Variants in MYO1D observed in about 807,000 individuals in gnomAD.
MYO1D encodes the protein unconventional myosin-Id.
In MYO1D, 83 loss-of-function variants were observed where a neutral mutation model predicts 122.0. The ratio of observed to expected loss-of-function variants is 0.68; its 90% CI spans 0.57 to 0.82. The LOEUF is 0.82. MYO1D is among the 40% of genes least tolerant of loss of function. The probability of loss-of-function intolerance (pLI) is 0.00; values close to 1 mark genes in which losing one functional copy is unlikely to be tolerated. For synonymous variants in MYO1D, 464 were observed against 446.9 expected (o/e 1.04, Z -0.48); for missense variants, 1,157 against 1,269.5 (o/e 0.91, Z 1.35).
intron 20 of MYO1D, among the ~76,000 whole-genome samples, chr17:32,637,343 A>T (rs577653726): frequency 3.5e-4 from 54 of 152,342 alleles, no homozygotes; most frequent in African/African-American, 1.3e-3. Context: ...ATAGAAGATT[A>T]TAAGTCTATA....
chr17:32,507,838 G>C (rs1464467987), intron 21 of MYO1D, among the ~76,000 whole-genome samples: 1 of 151,988 alleles, frequency 6.6e-6, no homozygotes, highest in Admixed American at 6.5e-5. Context: ...CAGAAAGAAG[G>C]TGGCAGTCTG....
chr17:32,636,666 G>A (rs2088103673), intron 20 of MYO1D, among the ~76,000 whole-genome samples: 1 of 152,212 alleles, frequency 6.6e-6, no homozygotes, highest in African/African-American at 2.4e-5. Flanking sequence ...AGCCACCACT[G>A]TGGGCAAGTT....
intron 1 of MYO1D, among the ~76,000 whole-genome samples, chr17:32,796,882 C>A (rs893978830): frequency 6.6e-6 from 1 of 152,078 alleles, no homozygotes. Context: ...GGTCTCTGGA[C>A]GACAGGAAAC....
At chr17:32,792,101 TGG>T (rs1415775216) in intron 1 of MYO1D, among the ~76,000 whole-genome samples, 2 of 152,242 alleles carry the variant, frequency 1.3e-5, no homozygotes, top group Non-Finnish European at 2.9e-5. Flanking sequence ...CAGTCCCTAT[TGG>T]ACATTTAGTT....
intron 20 of MYO1D, among the ~76,000 whole-genome samples, chr17:32,626,121 C>T (rs1166887174): frequency 1.3e-5 from 2 of 152,200 alleles, no homozygotes; most frequent in African/African-American, 4.8e-5. Flanking sequence ...TTCCCTGTCT[C>T]TCCCACGGGT....
At chr17:32,661,676 C>CA (rs1479469145) in intron 16 of MYO1D, among the ~76,000 whole-genome samples, 14 of 151,492 alleles carry the variant, frequency 9.2e-5, no homozygotes, top group Admixed American at 9.2e-4. Flanking sequence ...AATACCCCCC[C>CA]AAAAAACCAC....
At chr17:32,813,430 C>T (rs1205740220) in intron 1 of MYO1D, among the ~76,000 whole-genome samples, 1 of 152,020 alleles carries the variant, frequency 6.6e-6, no homozygotes, top group African/African-American at 2.4e-5. Flanking sequence ...AGAAGGTGAT[C>T]CCAGAAGTAA....
In MYO1D at chr17:32,764,889, C is replaced by A. The variant is rs1381617721; in HGVS notation, c.1024G>T (p.Ala342Ser). 1 of 1,614,040 alleles carries A rather than the reference C, an allele frequency of 6.2e-7. No individual in the cohort carries two copies. The highest frequency in any genetic ancestry group is 1.1e-5 in the South Asian group (1 of 91,076). Residue 342 changes from alanine (A) to serine (S), a missense_variant, in exon 8 of 22, where the codon GCC becomes TCC. Physicochemically the swap from Ala to Ser is moderately conservative, Grantham distance 99 (BLOSUM62 1). Transcript: ENST00000318217. Reference sequence around the variant, plus strand: ...AGTTACACTCTCACCTTGGCAAAGGCGTCTCTGCCGTAGCTGGCCTCTTGT... The same window carrying A: ...AGTTACACTCTCACCTTGGCAAAGGAGTCTCTGCCGTAGCTGGCCTCTTGT... ...TEQEASYGRD[A>S]FAKAIYERLF...
intron 21 of MYO1D, among the ~76,000 whole-genome samples, chr17:32,567,144 A>T (rs1233439063): frequency 6.6e-6 from 1 of 152,148 alleles, no homozygotes; most frequent in Non-Finnish European, 1.5e-5. Context: ...AAGGGGTGGC[A>T]GAAGTCAATA....
chr17:32,790,252 T>C (rs2090336297), intron 1 of MYO1D, among the ~76,000 whole-genome samples: 1 of 152,182 alleles, frequency 6.6e-6, no homozygotes, highest in Non-Finnish European at 1.5e-5. Flanking sequence ...TAGCCTTAAA[T>C]CTTTTCAATG....
intron 11 of MYO1D, among the ~76,000 whole-genome samples, chr17:32,751,246 T>C (rs187749866): frequency 1.3e-5 from 2 of 152,300 alleles, no homozygotes; most frequent in East Asian, 3.9e-4. Context: ...CAGAAACCTC[T>C]AATTTAACAT....
At chr17:32,559,601 C>T (rs1182841209) in intron 21 of MYO1D, among the ~76,000 whole-genome samples, 2 of 152,178 alleles carry the variant, frequency 1.3e-5, no homozygotes, top group Non-Finnish European at 2.9e-5. Flanking sequence ...TGTGGCAGCC[C>T]CAGAGTTGTT....
intron 21 of MYO1D, among the ~76,000 whole-genome samples, chr17:32,526,593 T>C (rs941428274): frequency 7.0e-6 from 1 of 142,988 alleles, no homozygotes; most frequent in Non-Finnish European, 1.5e-5. Context: ...TACTTCCTCT[T>C]CATAAAGCCT....
intron 16 of MYO1D, among the ~76,000 whole-genome samples, chr17:32,688,920 AGT>A (rs3079901): frequency 0.14 from 19,952 of 145,968 alleles, 1,427 homozygotes; most frequent in South Asian, 0.26. Flanking sequence ...TGATTTTTGA[AGT>A]GTGTGTGTGT....
At chr17:32,653,761 G>T in intron 19 of MYO1D, 82 bp downstream of exon 19, 2 of 1,201,022 alleles carry the variant, frequency 1.7e-6, no homozygotes, top group Non-Finnish European at 2.4e-6. Context: ...CTACTGTTAT[G>T]TTTTATTACA....
intron 1 of MYO1D, among the ~76,000 whole-genome samples, chr17:32,822,736 G>A (rs1048955753): frequency 4.0e-5 from 6 of 151,298 alleles, no homozygotes; most frequent in African/African-American, 1.5e-4. Flanking sequence ...GCAGACCGCG[G>A]GTGGCGGGCA....
chr17:32,551,480 T>C (rs1264633303), intron 21 of MYO1D, among the ~76,000 whole-genome samples: 1 of 152,116 alleles, frequency 6.6e-6, no homozygotes, highest in Non-Finnish European at 1.5e-5. Context: ...GAAAAATGTT[T>C]TTGGCAAATA....
intron 21 of MYO1D, among the ~76,000 whole-genome samples, chr17:32,538,390 TC>T (rs1910725413): frequency 6.6e-6 from 1 of 151,800 alleles, no homozygotes; most frequent in Non-Finnish European, 1.5e-5. Context: ...GCTCAAGTGA[TC>T]CTCCTGCCTT....
At chr17:32,840,091 C>T (rs913079347) in intron 1 of MYO1D, among the ~76,000 whole-genome samples, 1 of 152,156 alleles carries the variant, frequency 6.6e-6, no homozygotes, top group African/African-American at 2.4e-5. Context: ...CCACTGGAGG[C>T]ACTAGGGCTA....
Sources: allele counts gnomAD v4.1 joint callset (sites outside exome capture counted in the v4.1 genomes callset), GRCh38; gene constraint gnomAD v4.1.1; transcripts MANE v1.5; gene names NCBI Gene and HGNC (gene_info 2026-07-23, HGNC 2026-07-21).